The following RAB27B variants were observed in gnomAD, a reference collection of about 807,000 sequenced individuals.
RAB27B encodes the protein ras-related protein Rab-27B.
A neutral mutation model predicts 24.6 loss-of-function variants in RAB27B; 15 were observed. The observed-to-expected ratio is 0.61, with a 90% CI of 0.41 to 0.94. The LOEUF is 0.94. RAB27B is among the 40% of genes least tolerant of loss of function. RAB27B has a pLI of 0.00. For missense variants in RAB27B, 261 were observed against 266.8 expected (o/e 0.98, Z 0.15); for synonymous variants, 105 against 92.5 (o/e 1.14, Z -0.78).
At chr18:54,821,463 A>G (rs1910308469) in intron 2 of RAB27B, among the ~76,000 whole-genome samples, 1 of 152,150 alleles carries the variant, frequency 6.6e-6, no homozygotes, top group South Asian at 2.1e-4. Context: ...CATACTGCCC[A>G]CAATTTGACT....
At chr18:54,857,968 T>A (rs1254351669) in intron 1 of RAB27B, among the ~76,000 whole-genome samples, 1 of 152,224 alleles carries the variant, frequency 6.6e-6, no homozygotes, top group Non-Finnish European at 1.5e-5. Context: ...TAGTTTCCAT[T>A]TTAGATCCCA....
At chr18:54,846,253 T>C (rs1911333026) in intron 1 of RAB27B, among the ~76,000 whole-genome samples, 2 of 152,322 alleles carry the variant, frequency 1.3e-5, no homozygotes, top group Non-Finnish European at 2.9e-5. Context: ...CTATATATTA[T>C]ATAAGATATC....
At chr18:54,737,241 T>C (rs767782161) in intron 2 of RAB27B, among the ~76,000 whole-genome samples, 11 of 152,194 alleles carry the variant, frequency 7.2e-5, no homozygotes, top group Non-Finnish European at 1.3e-4. Flanking sequence ...GCTTCTTCCC[T>C]GGATGGGTTA....
At position 54,786,664 on chromosome 18, in the gene RAB27B, A is replaced by G. The variant is rs1909096613; in HGVS notation, c.-20+68523A>G. Among the ~76,000 whole-genome samples the G allele has an allele frequency of 3.3e-5, 5 of 152,248 alleles. No individual in the cohort carries two copies. In the South Asian group the frequency reaches 1.0e-3, roughly 32 times the overall value. On this transcript the variant is annotated intron_variant, in intron 2 of 4. Coordinates refer to the RAB27B transcript ENST00000586570. ...TAAATTATTCTGTAATTATTCTATA[A>G]GTCATTGAAAATGTTAACATAATAC...
chr18:54,758,039 T>G (rs1908062857), intron 2 of RAB27B, among the ~76,000 whole-genome samples: 1 of 152,172 alleles, frequency 6.6e-6, no homozygotes, highest in Admixed American at 6.5e-5. Context: ...AGTGGTGCGC[T>G]CTCGGCTCTG....
chr18:54,860,458 C>G (rs1413648748), intron 1 of RAB27B, among the ~76,000 whole-genome samples: 1 of 152,150 alleles, frequency 6.6e-6, no homozygotes, highest in Non-Finnish European at 1.5e-5. Flanking sequence ...CATTCCAGCT[C>G]TCCCTCTCTC....
chr18:54,888,794 A>T (rs1176554461), intron 5 of RAB27B, among the ~76,000 whole-genome samples: 4 of 152,174 alleles, frequency 2.6e-5, no homozygotes, highest in Non-Finnish European at 5.9e-5. Context: ...ATCCAAATAA[A>T]CATTGACTGT....
intron 1 of RAB27B, among the ~76,000 whole-genome samples, chr18:54,851,085 A>G (rs1334431212): frequency 1.3e-5 from 2 of 152,194 alleles, no homozygotes; most frequent in East Asian, 3.9e-4. Flanking sequence ...AATTTGAGTT[A>G]TAGTCCGGCA....
chr18:54,805,431 G>T (rs1909760716), intron 2 of RAB27B, among the ~76,000 whole-genome samples: 2 of 152,152 alleles, frequency 1.3e-5, no homozygotes, highest in Admixed American at 1.3e-4. Flanking sequence ...TGTGCTTGTA[G>T]AAATTTATGT....
chr18:54,821,154 A>T (rs1471177102), intron 2 of RAB27B, among the ~76,000 whole-genome samples: 2 of 152,164 alleles, frequency 1.3e-5, no homozygotes, highest in African/African-American at 4.8e-5. Flanking sequence ...CTCAGCCCAA[A>T]ATCTCTTTAA....
intron 4 of RAB27B, 118 bp downstream of exon 4, chr18:54,884,554 G>C (rs1398861339): frequency 3.1e-6 from 2 of 652,130 alleles, no homozygotes; most frequent in Non-Finnish European, 5.3e-6. Context: ...AAAGTCATGA[G>C]TTTAGTGTTG....
chr18:54,836,979 T>C (rs1264479816), intron 1 of RAB27B, among the ~76,000 whole-genome samples: 1 of 151,888 alleles, frequency 6.6e-6, no homozygotes, highest in Non-Finnish European at 1.5e-5. Context: ...TCTGGTATAA[T>C]TTTTGTCTAT....
At position 54,879,400 on chromosome 18, in the gene RAB27B, C is replaced by T; in HGVS notation, c.185C>T (p.Ser62Leu). Residue 62 changes from serine (S) to leucine (L), a missense_variant, in exon 3 of 6, where the codon TCA becomes TTA. Ser to Leu is a moderately radical substitution (Grantham distance 145, BLOSUM62 -2). Transcript: ENST00000262094. ...AATGCACAAGGACCGAATGGATCTT[C>T]AGGGAAAGCATTTAAAGTGCATCTT... ...VYNAQGPNGS[S>L]GKAFKVHLQL... The T allele has an allele frequency of 6.2e-7, 1 of 1,612,874 alleles. No homozygotes were observed. Among genetic ancestry groups the T allele is most frequent in the Non-Finnish European group, 8.5e-7 (1 of 1,179,008 alleles).
chr18:54,749,511 C>T (rs145342381), intron 2 of RAB27B, among the ~76,000 whole-genome samples: 4 of 152,098 alleles, frequency 2.6e-5, no homozygotes, highest in Admixed American at 1.3e-4. Context: ...TAACTCCTTA[C>T]GACAGGTGCC....
chr18:54,831,132 C>T (rs978360986), intron 1 of RAB27B, among the ~76,000 whole-genome samples: 13 of 151,970 alleles, frequency 8.6e-5, no homozygotes, highest in East Asian at 3.9e-4. Flanking sequence ...AGTATAAAGC[C>T]GAGGAGGCAT....
At position 54,890,857 on chromosome 18, in the gene RAB27B, A is replaced by G. The variant is rs938899761; in HGVS notation, c.*1444A>G. 6.6e-6 allele frequency: 1 copy of G among 152,056 alleles called. No homozygotes were observed. Among genetic ancestry groups the G allele is most frequent in the African/African-American group, 2.4e-5 (1 of 41,418 alleles). 9.4% of individuals were successfully genotyped at this position (152,056 alleles called of 1,614,324 possible). On this transcript the variant is annotated 3_prime_UTR_variant, in exon 6 of 6. Transcript: ENST00000262094. ...TAACAAAATTATTTTTCATTGGCCT[A>G]TTCTGTTCTTGTGTCTAAACTAACA...
At chr18:54,775,771 CCT>C (rs764529995) in intron 2 of RAB27B, among the ~76,000 whole-genome samples, 1 of 152,178 alleles carries the variant, frequency 6.6e-6, no homozygotes, top group Non-Finnish European at 1.5e-5. Flanking sequence ...ATGAAACTCC[CCT>C]CTTTGTCACC....
In RAB27B at chr18:54,889,252, A is replaced by G. The variant is rs767025431; in HGVS notation, c.496A>G (p.Thr166Ala). The G allele has an allele frequency of 2.5e-6, 4 of 1,610,794 alleles. No individual in the cohort carries two copies. The highest frequency in any genetic ancestry group is 1.3e-5 in the African/African-American group (1 of 74,716). ...GIPYFETSAA[T>A]GQNVEKAVET... is the part of the protein sequence containing the mutation. ...ACCATATTTTGAAACAAGTGCAGCAACTGGACAGAATGTGGAGAAAGCTGT... is the reference window on the plus strand; with the variant it reads ...ACCATATTTTGAAACAAGTGCAGCAGCTGGACAGAATGTGGAGAAAGCTGT... Residue 166 changes from threonine to alanine, a missense_variant, in exon 6 of 6, where the codon ACT becomes GCT. Physicochemically the swap from Thr to Ala is moderately conservative, Grantham distance 58 (BLOSUM62 0). Coordinates refer to ENST00000262094, the MANE Select transcript of RAB27B (RefSeq NM_004163.4).
intron 2 of RAB27B, among the ~76,000 whole-genome samples, chr18:54,732,746 T>C (rs926643233): frequency 5.9e-5 from 9 of 152,142 alleles, no homozygotes; most frequent in African/African-American, 2.2e-4. Flanking sequence ...GATTGCTGAG[T>C]TAAAAATAAA....
Sources: allele counts gnomAD v4.1 joint callset (sites outside exome capture counted in the v4.1 genomes callset), GRCh38; gene constraint gnomAD v4.1.1; transcripts MANE v1.5; gene names NCBI Gene and HGNC (gene_info 2026-07-23, HGNC 2026-07-21).